Variants in SLC44A4 observed in about 807,000 individuals in gnomAD.
The protein encoded by SLC44A4 is choline transporter-like protein 4.
SLC44A4 carries 74 observed loss-of-function variants against 97.0 expected under a neutral mutation model. That is an observed-to-expected ratio of 0.76 (90% CI 0.63 to 0.93). SLC44A4 has a LOEUF of 0.93. Among genes scored for constraint, SLC44A4 ranks in the 40% least tolerant of loss-of-function variants. The probability of loss-of-function intolerance (pLI) is 0.00; values close to 1 mark genes in which losing one functional copy is unlikely to be tolerated. For synonymous variants in SLC44A4, 325 were observed against 363.8 expected, an observed-to-expected ratio of 0.89 and a Z score of 1.21; for missense variants, 799 against 902.9, an observed-to-expected ratio of 0.88 and a Z score of 1.48.
In SLC44A4 at chr6:31,870,722, C is replaced by G; in HGVS notation, c.938-20G>C. The G allele has an allele frequency of 6.2e-7, 1 of 1,611,448 alleles. No homozygotes were observed. Among genetic ancestry groups the G allele is most frequent in the Non-Finnish European group, 8.5e-7 (1 of 1,179,200 alleles). Reference sequence around the variant, plus strand: ...CGATCACTGCAGAGGACGGGGCAGACAGACCTAGGTCAGGGCCAGGGCTGG... The same window carrying G: ...CGATCACTGCAGAGGACGGGGCAGAGAGACCTAGGTCAGGGCCAGGGCTGG... On this transcript the variant is annotated intron_variant, in intron 10 of 20. Coordinates refer to ENST00000229729, the MANE Select transcript of SLC44A4 (RefSeq NM_025257.3).
At chr6:31,866,440 G>A (rs1053316072) in intron 13 of SLC44A4, among the ~76,000 whole-genome samples, 7 of 152,260 alleles carry the variant, frequency 4.6e-5, no homozygotes, top group African/African-American at 1.7e-4. Context: ...AACAGGCTGG[G>A]TATTTGATGA....
intron 20 of SLC44A4, 137 bp from the exon 21 acceptor site, chr6:31,863,885 TC>T: frequency 1.7e-6 from 2 of 1,167,330 alleles, no homozygotes; most frequent in Non-Finnish European, 2.4e-6. Flanking sequence ...AATCTCAGTT[TC>T]CTCCTGTGAA....
intron 13 of SLC44A4, among the ~76,000 whole-genome samples, chr6:31,866,803 A>T (rs1189645979): frequency 6.6e-6 from 1 of 151,938 alleles, no homozygotes; most frequent in Non-Finnish European, 1.5e-5. Context: ...CTGAGGCAGG[A>T]TAATTGCTTG....
rs1763457731 is a variant in SLC44A4 at position 31,876,613 on chromosome 6, C to T, written c.89+421G>A. Reference sequence around the variant, plus strand: ...AATTAGCCTGGTGTGATGGTGCATGCCTGTAGTCCCAGCTACTCGGAAGGC... The same window carrying T: ...AATTAGCCTGGTGTGATGGTGCATGTCTGTAGTCCCAGCTACTCGGAAGGC... On this transcript the variant is annotated intron_variant, in intron 2 of 20. Coordinates refer to ENST00000229729, the MANE Select transcript of SLC44A4 (RefSeq NM_025257.3). The surrounding 1 kb of genome is among the most constrained non-coding windows in gnomAD (Gnocchi z 4.8). 6.6e-6 allele frequency among the ~76,000 whole-genome samples: 1 copy of T among 152,140 alleles called. No homozygotes were observed. The highest frequency in any genetic ancestry group is 1.9e-4 in the East Asian group (1 of 5,194).
chr6:31,873,829 C>G (rs922683662), intron 7 of SLC44A4, among the ~76,000 whole-genome samples: 6 of 152,192 alleles, frequency 3.9e-5, no homozygotes, highest in African/African-American at 1.4e-4. Context: ...AATCCCAGCA[C>G]TTTGGGAGGC....
In SLC44A4 at chr6:31,878,296, C is replaced by A. The variant is rs114400264; in HGVS notation, c.40+645G>T. Reference sequence around the variant, plus strand: ...CCTGCTCCTAGCTCCTCACAGAGACCCCTAGGCAGGACCCCAGCCCCCTTT... The same window carrying A: ...CCTGCTCCTAGCTCCTCACAGAGACACCTAGGCAGGACCCCAGCCCCCTTT... On this transcript the variant is annotated intron_variant, in intron 1 of 20. Coordinates refer to ENST00000229729, the MANE Select transcript of SLC44A4 (RefSeq NM_025257.3). The surrounding 1 kb of genome is among the most constrained non-coding windows in gnomAD (Gnocchi z 4.0). Among the ~76,000 whole-genome samples, 5,559 of 152,026 alleles carry A rather than the reference C, an allele frequency of 0.037. 124 individuals carry two copies. The highest frequency in any genetic ancestry group is 0.051 in the South Asian group (247 of 4,804).
chr6:31,867,347 C>T (rs993971918), intron 13 of SLC44A4, among the ~76,000 whole-genome samples: 1 of 151,774 alleles, frequency 6.6e-6, no homozygotes, highest in Non-Finnish European at 1.5e-5. Flanking sequence ...CCTGCCTCGG[C>T]CTCCCAAAGT....
intron 13 of SLC44A4, among the ~76,000 whole-genome samples, chr6:31,867,088 A>T (rs1300960149): frequency 2.0e-5 from 3 of 150,750 alleles, no homozygotes; most frequent in Admixed American, 6.6e-5. Context: ...AACCAAAAAA[A>T]TTTTTTTTTG....
rs1763330785 is a variant in SLC44A4 at position 31,874,411 on chromosome 6, G to A, written c.529+49C>T. 2 of 1,596,524 alleles carry A rather than the reference G, an allele frequency of 1.3e-6. No homozygotes were observed. The highest frequency in any genetic ancestry group is 4.5e-5 in the East Asian group (2 of 44,792). ...GGCCTGATTTCTTCATTCAAGCAATGAAAACACTGGACTAGATGACGTCTG... is the reference window on the plus strand; with the variant it reads ...GGCCTGATTTCTTCATTCAAGCAATAAAAACACTGGACTAGATGACGTCTG... On this transcript the variant is annotated intron_variant, in intron 7 of 20. Coordinates refer to ENST00000229729, the MANE Select transcript of SLC44A4 (RefSeq NM_025257.3). The surrounding 1 kb of genome is among the most constrained non-coding windows in gnomAD (Gnocchi z 4.8).
chr6:31,864,694 TG>T lies in SLC44A4; in HGVS notation c.1968del (p.Phe656LeufsTer37). The T allele has an allele frequency of 1.2e-6, 2 of 1,613,802 alleles. No individual in the cohort carries two copies. The highest frequency in any genetic ancestry group is 1.7e-6 in the Non-Finnish European group (2 of 1,179,980). ...LGAYVIASGF[F>X]SVFGMCVDTL... ...GTGTCCACACACATGCCGAAAACGC[TG>T]AAGAAGCCGCTGGCGATGACATAGG... On this transcript the variant is annotated frameshift_variant, in exon 20 of 21. Transcript: ENST00000229729. LOFTEE classifies it high-confidence loss of function.
In SLC44A4 at chr6:31,871,339, C is replaced by G. The variant is rs777994294; in HGVS notation, c.676G>C (p.Ala226Pro). 6.2e-7 allele frequency: 1 copy of G among 1,614,048 alleles called. No individual in the cohort carries two copies. Among genetic ancestry groups the G allele is most frequent in the Non-Finnish European group, 8.5e-7 (1 of 1,180,030 alleles). The change falls in exon 9 of 21, where the codon GCC (alanine) becomes CCC (proline). Residue 226 changes from alanine (A) to proline (P), a missense_variant. Ala to Pro is a conservative substitution (Grantham distance 27). Coordinates refer to ENST00000229729, the MANE Select transcript of SLC44A4 (RefSeq NM_025257.3). ...DISVKIFEDFAQSWYWILVAL... is the reference protein window; with the variant it reads ...DISVKIFEDFPQSWYWILVAL... ...ACAAGAATCCAATACCAGGACTGGG[C>G]AAAATCTTCAAAGATCTTAACACTG... is the stretch of plus-strand genomic sequence containing the variant.
In SLC44A4 at chr6:31,872,886, T is replaced by C. The variant is rs554022835; in HGVS notation, c.530-1325A>G. The stretch of plus-strand genomic sequence containing the variant: ...TCATCTTATGCTATAAATTGTCTAA[T>C]TTTTTTTTTTTGAGATGGAGTCTCA... On this transcript the variant is annotated intron_variant, in intron 7 of 20. Coordinates refer to ENST00000229729, the MANE Select transcript of SLC44A4 (RefSeq NM_025257.3). Among the ~76,000 whole-genome samples, 629 of 96,884 alleles carry C rather than the reference T, an allele frequency of 6.5e-3. 5 individuals are homozygous for C. The highest frequency in any genetic ancestry group is 0.065 in the Middle Eastern group (12 of 186). The allele number at this position is 96,884 out of a possible 152,430, so 63.6% of individuals were successfully genotyped here.
chr6:31,878,443 A>T lies in SLC44A4; in HGVS notation c.40+498T>A, dbSNP rs774799635. On this transcript the variant is annotated intron_variant, in intron 1 of 20. Coordinates refer to ENST00000229729, the MANE Select transcript of SLC44A4 (RefSeq NM_025257.3). The surrounding 1 kb of genome is among the most constrained non-coding windows in gnomAD (Gnocchi z 4.0). ...CCCACTCAGGGTCCCCTCACTCCTC[A>T]AGGGAGCCGGCAGACCACAAGCAGC... 1.3e-5 allele frequency among the ~76,000 whole-genome samples: 2 copies of T among 151,774 alleles called. No individual in the cohort carries two copies. Among genetic ancestry groups the T allele is most frequent in the Non-Finnish European group, 2.9e-5 (2 of 67,908 alleles).
Position 31,878,316 on chromosome 6 carries a change from C to G in SLC44A4, c.40+625G>C, listed in dbSNP as rs1763565015. Among the ~76,000 whole-genome samples the G allele has an allele frequency of 6.6e-6, 1 of 151,960 alleles. No individual in the cohort carries two copies. Among genetic ancestry groups the G allele is most frequent in the South Asian group, 2.1e-4 (1 of 4,816 alleles). On this transcript the variant is annotated intron_variant, in intron 1 of 20. Transcript: ENST00000229729. The surrounding 1 kb of genome is among the most constrained non-coding windows in gnomAD (Gnocchi z 4.0). Reference sequence around the variant, plus strand: ...GAGACCCCTAGGCAGGACCCCAGCCCCCTTTCCACAAAGACCCTCAGCCCC... The same window carrying G: ...GAGACCCCTAGGCAGGACCCCAGCCGCCTTTCCACAAAGACCCTCAGCCCC...
rs2151550100 is a variant in SLC44A4 at position 31,863,572 on chromosome 6, G to A, written c.*55C>T. The stretch of plus-strand genomic sequence containing the variant: ...ATGGAGACCTGTAAGGCGAAGTGAG[G>A]TTGGATGGCTGGACGGTGGGGGTGG... On this transcript the variant is annotated 3_prime_UTR_variant, in exon 21 of 21. Transcript: ENST00000229729. 6.4e-7 allele frequency: 1 copy of A among 1,565,032 alleles called. No individual in the cohort carries two copies. Among genetic ancestry groups the A allele is most frequent in the East Asian group, 2.3e-5 (1 of 42,980 alleles).
chr6:31,874,961 C>T lies in SLC44A4; in HGVS notation c.310G>A (p.Ala104Thr). 1 of 1,613,586 alleles carries T rather than the reference C, an allele frequency of 6.2e-7. No homozygotes were observed. Among genetic ancestry groups the T allele is most frequent in the Non-Finnish European group, 8.5e-7 (1 of 1,179,998 alleles). ...GTGGGGCACTGTAGGCCGTTCTCAG[C>T]AACTGAGATGATGTTGCTGGACAGG... ...CILSSNIISV[A>T]ENGLQCPTPQ... is the part of the protein sequence containing the mutation. The change falls in exon 5 of 21, where the codon GCT (alanine) becomes ACT (threonine). Residue 104 changes from alanine to threonine, a missense_variant. Transcript: ENST00000229729. The surrounding 1 kb of genome is among the most constrained non-coding windows in gnomAD (Gnocchi z 4.8).
In SLC44A4 at chr6:31,865,412, G is replaced by C. The variant is rs1347715390; in HGVS notation, c.1687-24C>G. On this transcript the variant is annotated intron_variant, in intron 16 of 20. Transcript: ENST00000229729. The surrounding 1 kb of genome is among the most constrained non-coding windows in gnomAD (Gnocchi z 5.2). Reference sequence around the variant, plus strand: ...ATCTGAGGGAGGTGGAAAGGTCAGAGTTACCAAGGCGAGCTGCCTGGACCA... The same window carrying C: ...ATCTGAGGGAGGTGGAAAGGTCAGACTTACCAAGGCGAGCTGCCTGGACCA... 1 of 1,613,940 alleles carries C rather than the reference G, an allele frequency of 6.2e-7. No individual in the cohort carries two copies. The highest frequency in any genetic ancestry group is 2.2e-5 in the East Asian group (1 of 44,894).
Position 31,877,102 on chromosome 6 carries a change from G to C in SLC44A4, c.41-20C>G. ...GCTTCCCTGAGGGACATGAGAAGAG[G>C]TGTGGAGGATGAGTCTCTCTCTGCA... On this transcript the variant is annotated intron_variant, in intron 1 of 20. Transcript: ENST00000229729. The surrounding 1 kb of genome is among the most constrained non-coding windows in gnomAD (Gnocchi z 6.5). 2 of 1,607,096 alleles carry C rather than the reference G, an allele frequency of 1.2e-6. No individual in the cohort carries two copies. Among genetic ancestry groups the C allele is most frequent in the East Asian group, 2.2e-5 (1 of 44,780 alleles).
In SLC44A4 at chr6:31,865,827, T is replaced by G. The variant is rs1562442998; in HGVS notation, c.1488-43A>C. ...CAGTCAGAGACAGCTCCAGGACCCC[T>G]GGGGCCCCCGTGCCTACAATGACCA... On this transcript the variant is annotated intron_variant, in intron 14 of 20. Coordinates refer to ENST00000229729, the MANE Select transcript of SLC44A4 (RefSeq NM_025257.3). The surrounding 1 kb of genome is among the most constrained non-coding windows in gnomAD (Gnocchi z 5.2). 6.2e-7 allele frequency: 1 copy of G among 1,613,748 alleles called. No homozygotes were observed. Among genetic ancestry groups the G allele is most frequent in the African/African-American group, 1.3e-5 (1 of 74,924 alleles).
Sources: allele counts gnomAD v4.1 joint callset (sites outside exome capture counted in the v4.1 genomes callset), GRCh38; gene constraint gnomAD v4.1.1; non-coding constraint Gnocchi (gnomAD v3.1); transcripts MANE v1.5; gene names NCBI Gene and HGNC (gene_info 2026-07-23, HGNC 2026-07-21).